Variants in NUP210 observed in about 807,000 individuals in gnomAD.
NUP210 encodes nucleoporin 210.
NUP210 carries 151 observed loss-of-function variants against 196.0 expected under a neutral mutation model. The ratio of observed to expected loss-of-function variants is 0.77; its 90% CI spans 0.67 to 0.88. The LOEUF is 0.88. Ranked by LOEUF, NUP210 falls within the 40% of genes least tolerant of loss-of-function variation. The pLI, the probability that NUP210 is intolerant of heterozygous loss-of-function variation, is 0.00. For synonymous variants in NUP210, 1,070 were observed against 1,052.7 expected (o/e 1.02, Z -0.32); for missense variants, 2,314 against 2,493.7 (o/e 0.93, Z 1.53).
At chr3:13,329,739 G>T (rs1377807168) in intron 30 of NUP210, among the ~76,000 whole-genome samples, 7 of 152,216 alleles carry the variant, frequency 4.6e-5, no homozygotes, top group Non-Finnish European at 8.8e-5. Flanking sequence ...AAGTGGTGAT[G>T]ATGAGACATG....
chr3:13,358,357 G>C lies in NUP210; in HGVS notation c.2193C>G (p.Thr731=), dbSNP rs1287868500. Residue 731 remains threonine, a synonymous_variant, in exon 16 of 40, where the codon ACC becomes ACG. Coordinates refer to ENST00000254508, the MANE Select transcript of NUP210 (RefSeq NM_024923.4). Reference sequence around the variant, plus strand: ...CAGGCTCCACCGCAGGAAAGGGGTTGGTGAGGCTGGGCTTGTTCCCCACCG... The same window carrying C: ...CAGGCTCCACCGCAGGAAAGGGGTTCGTGAGGCTGGGCTTGTTCCCCACCG... ...ALSVGNKPSL[T]NPFPAVEPAV... 1.2e-6 allele frequency: 2 copies of C among 1,613,678 alleles called. No individual in the cohort carries two copies. Among genetic ancestry groups the C allele is most frequent in the Non-Finnish European group, 8.5e-7 (1 of 1,179,784 alleles).
At chr3:13,412,170 C>T (rs1018012203) in intron 1 of NUP210, among the ~76,000 whole-genome samples, 1 of 151,810 alleles carries the variant, frequency 6.6e-6, no homozygotes, top group African/African-American at 2.4e-5. Context: ...CCTCCTGCCT[C>T]AGCCTCAGGA....
Position 13,399,886 on chromosome 3 carries a change from ACT to A in NUP210, c.168-27_168-26del, listed in dbSNP as rs1457363255. The A allele has an allele frequency of 1.9e-6, 3 of 1,584,458 alleles. No homozygotes were observed. In the African/African-American group the frequency reaches 4.0e-5, roughly 21 times the overall value. The stretch of plus-strand genomic sequence containing the variant: ...CCTGCAGTGGAAGAAGACAGCATTT[ACT>A]CTCTGGAGCTGCACTGCAAGGCACA... On this transcript the variant is annotated intron_variant, in intron 1 of 39. Coordinates refer to ENST00000254508, the MANE Select transcript of NUP210 (RefSeq NM_024923.4).
chr3:13,399,639 A>C, intron 2 of NUP210, 86 bp downstream of exon 2: 11 of 1,573,390 alleles, frequency 7.0e-6, no homozygotes, highest in Non-Finnish European at 8.7e-6. Context: ...CCATGGGCTC[A>C]GGTAGCCTCT....
intron 33 of NUP210, among the ~76,000 whole-genome samples, chr3:13,324,814 T>C (rs909822669): frequency 6.6e-6 from 1 of 152,212 alleles, no homozygotes; most frequent in African/African-American, 2.4e-5. Flanking sequence ...CCCTTCACCC[T>C]GGAACAGCAG....
At chr3:13,382,731 C>T (rs759636768) in intron 6 of NUP210, among the ~76,000 whole-genome samples, 2 of 152,172 alleles carry the variant, frequency 1.3e-5, no homozygotes, top group African/African-American at 4.8e-5. Flanking sequence ...CACAGGATGC[C>T]GGGCAAGACA....
intron 15 of NUP210, among the ~76,000 whole-genome samples, chr3:13,358,966 T>C (rs571253099): frequency 3.3e-5 from 5 of 152,224 alleles, no homozygotes; most frequent in Middle Eastern, 3.2e-3. Flanking sequence ...GAGGGAAACC[T>C]GTCTGCCTGG....
At chr3:13,383,039 G>A (rs1177425198) in intron 6 of NUP210, among the ~76,000 whole-genome samples, 1 of 152,040 alleles carries the variant, frequency 6.6e-6, no homozygotes, top group Non-Finnish European at 1.5e-5. Context: ...AGCTACTCAG[G>A]GGTGTGAGGT....
At chr3:13,366,734 A>C (rs1206783337) in intron 13 of NUP210, among the ~76,000 whole-genome samples, 1 of 149,012 alleles carries the variant, frequency 6.7e-6, no homozygotes, top group Non-Finnish European at 1.5e-5. Flanking sequence ...AGCCAGGATG[A>C]TCTCAATCTC....
chr3:13,354,110 G>T lies in NUP210; in HGVS notation c.2329-3C>A, dbSNP rs754180166. 6.3e-7 allele frequency: 1 copy of T among 1,582,820 alleles called. No homozygotes were observed. The highest frequency in any genetic ancestry group is 1.2e-5 in the South Asian group (1 of 86,924). ...TTGCGGTGGCTGGACACTGGGACCTGCAGGGAACACAGGTCAGATGTTGTG... is the reference window on the plus strand; with the variant it reads ...TTGCGGTGGCTGGACACTGGGACCTTCAGGGAACACAGGTCAGATGTTGTG... On this transcript the variant is annotated splice_region_variant and splice_polypyrimidine_tract_variant and intron_variant, in intron 16 of 39. Coordinates refer to ENST00000254508, the MANE Select transcript of NUP210 (RefSeq NM_024923.4).
At chr3:13,345,290 C>T (rs1697677636) in intron 20 of NUP210, 8 of 930,316 alleles carry the variant, frequency 8.6e-6, no homozygotes, top group Non-Finnish European at 9.0e-6. Context: ...TCTGGTCCAA[C>T]CACTTCAATG....
intron 13 of NUP210, 149 bp downstream of exon 13, chr3:13,371,685 G>A (rs760578886): frequency 1.4e-6 from 1 of 720,524 alleles, no homozygotes; most frequent in South Asian, 1.8e-5. Context: ...GGAACAGACT[G>A]TGGATCAGGA....
intron 36 of NUP210, among the ~76,000 whole-genome samples, chr3:13,320,295 A>G (rs1293473693): frequency 6.6e-6 from 1 of 152,212 alleles, no homozygotes; most frequent in African/African-American, 2.4e-5. Flanking sequence ...GAATGTCAGA[A>G]TCAAATTCAA....
intron 28 of NUP210, among the ~76,000 whole-genome samples, chr3:13,333,104 T>G (rs1483184343): frequency 6.6e-6 from 1 of 152,056 alleles, no homozygotes; most frequent in Non-Finnish European, 1.5e-5. Context: ...AGGGGCCTGG[T>G]GAGGAGCTCA....
At chr3:13,400,986 A>G (rs375891390) in intron 1 of NUP210, among the ~76,000 whole-genome samples, 4 of 152,124 alleles carry the variant, frequency 2.6e-5, no homozygotes, top group African/African-American at 9.7e-5. Context: ...GGCCAGGCGC[A>G]GTGGCTCATG....
At chr3:13,376,222 G>A (rs533511194) in intron 10 of NUP210, 69 bp downstream of exon 10, 3 of 1,565,284 alleles carry the variant, frequency 1.9e-6, no homozygotes, top group East Asian at 2.2e-5. Context: ...GCCCTCCTGG[G>A]CTGACATTTC....
In NUP210 at chr3:13,420,123, A is replaced by G; in HGVS notation, c.104T>C (p.Leu35Pro). Reference sequence around the variant, plus strand: ...AACGCGCGTGGCCCGCGTGAAGGGCAGCAGCACTTTGGGGATGTTGAGCTT... The same window carrying G: ...AACGCGCGTGGCCCGCGTGAAGGGCGGCAGCACTTTGGGGATGTTGAGCTT... ...AAKLNIPKVL[L>P]PFTRATRVNF... The change falls in exon 1 of 40, where the codon CTG (leucine) becomes CCG (proline). Residue 35 changes from leucine to proline, a missense_variant. Physicochemically the swap from Leu to Pro is moderately conservative, Grantham distance 98. Coordinates refer to ENST00000254508, the MANE Select transcript of NUP210 (RefSeq NM_024923.4). The surrounding 1 kb of genome is among the most constrained non-coding windows in gnomAD (Gnocchi z 4.8). 2 of 1,371,464 alleles carry G rather than the reference A, an allele frequency of 1.5e-6. No individual in the cohort carries two copies. The highest frequency in any genetic ancestry group is 3.4e-5 in the East Asian group (1 of 29,628). 85.0% of individuals were successfully genotyped at this position (1,371,464 alleles called of 1,614,324 possible). A position where few individuals can be genotyped will look rare whatever the true frequency, so the allele number is the denominator to read the frequency against.
intron 16 of NUP210, chr3:13,354,449 C>T (rs577359873): frequency 3.7e-6 from 1 of 267,474 alleles, no homozygotes; most frequent in Non-Finnish European, 7.3e-6. Context: ...GCTAAACACC[C>T]TACGATACAC....
intron 3 of NUP210, among the ~76,000 whole-genome samples, chr3:13,396,751 ACT>A (rs1291425321): frequency 2.3e-5 from 2 of 88,462 alleles, no homozygotes; most frequent in South Asian, 4.4e-4. Flanking sequence ...CAAGAGCAAG[ACT>A]CTGTCTCAAA....
Sources: allele counts gnomAD v4.1 joint callset (sites outside exome capture counted in the v4.1 genomes callset), GRCh38; gene constraint gnomAD v4.1.1; non-coding constraint Gnocchi (gnomAD v3.1); transcripts MANE v1.5; gene names NCBI Gene and HGNC (gene_info 2026-07-23, HGNC 2026-07-21).